Variants in AXDND1 observed in about 807,000 individuals in gnomAD.
AXDND1 encodes the protein axonemal dynein light chain domain-containing protein 1.
AXDND1 carries 110 observed loss-of-function variants against 137.5 expected under a neutral mutation model. The observed-to-expected ratio is 0.80, with a 90% CI of 0.69 to 0.94. The LOEUF (loss-of-function observed/expected upper bound fraction) is 0.94. Among genes scored for constraint, AXDND1 ranks in the 40% least tolerant of loss-of-function variants. AXDND1 has a pLI of 0.00. For missense variants in AXDND1, 1,191 were observed against 1,169.8 expected, an observed-to-expected ratio of 1.02 and a Z score of -0.26; for synonymous variants, 414 against 399.7, an observed-to-expected ratio of 1.04 and a Z score of -0.43.
chr1:179,383,308 G>A, intron 7 of AXDND1, 134 bp from the exon 8 acceptor site: 1 of 653,926 alleles, frequency 1.5e-6, no homozygotes, highest in Non-Finnish European at 2.6e-6. Context: ...AATAGACACA[G>A]GTCTAATGCT....
intron 21 of AXDND1, 84 bp downstream of exon 21, chr1:179,509,487 T>C: frequency 1.1e-6 from 1 of 883,866 alleles, no homozygotes; most frequent in Non-Finnish European, 1.8e-6. Flanking sequence ...TTCCAATCAA[T>C]GTTCTGAATC....
chr1:179,501,222 C>T (rs10798686), intron 20 of AXDND1, among the ~76,000 whole-genome samples: 24,109 of 151,978 alleles, frequency 0.16, 2,480 homozygotes, highest in African/African-American at 0.28. Context: ...ATAGCTAACA[C>T]ACTTTTGAAA....
chr1:179,534,776 G>A lies in AXDND1; in HGVS notation c.2845G>A (p.Ala949Thr), dbSNP rs140449162. The change falls in exon 25 of 26, where the codon GCA (alanine) becomes ACA (threonine). Residue 949 changes from alanine (A) to threonine (T), a missense_variant. By Grantham distance (58) the Ala-to-Thr change is moderately conservative. Coordinates refer to ENST00000367618, the MANE Select transcript of AXDND1 (RefSeq NM_144696.6). Reference sequence around the variant, plus strand: ...ACAGGCAGAGGAGAAGTTTGAAGATGCATATGAGAAACTTCATCATACCCT... The same window carrying A: ...ACAGGCAGAGGAGAAGTTTGAAGATACATATGAGAAACTTCATCATACCCT... Reference protein sequence around the residue: ...ARQAEEKFEDAYEKLHHTLIK... With the variant: ...ARQAEEKFEDTYEKLHHTLIK... 159 of 1,600,966 alleles carry A rather than the reference G, an allele frequency of 9.9e-5. No homozygotes were observed. The African/African-American group carries it at 1.8e-3, about 18-fold the overall frequency.
intron 18 of AXDND1, among the ~76,000 whole-genome samples, chr1:179,490,024 G>C (rs537917984): frequency 1.3e-5 from 2 of 152,144 alleles, no homozygotes; most frequent in African/African-American, 4.8e-5. Flanking sequence ...GATTACAGGC[G>C]TGAGCCACCG....
At chr1:179,429,665 G>A (rs1350655490) in intron 13 of AXDND1, 46 bp downstream of exon 13, 7 of 1,206,926 alleles carry the variant, frequency 5.8e-6, no homozygotes, top group Non-Finnish European at 6.9e-6. Flanking sequence ...GATGCCAAGT[G>A]GTGAGGGTTG....
intron 16 of AXDND1, chr1:179,449,067 G>T (rs1288241452): frequency 7.1e-6 from 3 of 424,244 alleles, no homozygotes; most frequent in South Asian, 1.7e-5. Context: ...TTTATTTTTT[G>T]TAGAGACAGG....
chr1:179,471,606 C>T (rs1415118865), intron 17 of AXDND1, among the ~76,000 whole-genome samples: 1 of 152,172 alleles, frequency 6.6e-6, no homozygotes, highest in Non-Finnish European at 1.5e-5. Context: ...TTCTCCTGGT[C>T]AACTTAGCTA....
intron 12 of AXDND1, among the ~76,000 whole-genome samples, chr1:179,425,835 CT>C (rs11300946): frequency 0.52 from 52,882 of 100,944 alleles, 12,091 homozygotes; most frequent in Non-Finnish European, 0.57. Context: ...TGTGGAAGCT[CT>C]TTTTTTTTTT....
intron 15 of AXDND1, among the ~76,000 whole-genome samples, chr1:179,442,071 A>G (rs1011906478): frequency 2.0e-5 from 3 of 152,196 alleles, no homozygotes; most frequent in African/African-American, 7.2e-5. Flanking sequence ...GCTGTGGATT[A>G]TTTGGATCAG....
At position 179,415,548 on chromosome 1, in the gene AXDND1, G is replaced by A. The variant is rs565821942; in HGVS notation, c.1230+4282G>A. 1.5e-3 allele frequency among the ~76,000 whole-genome samples: 225 copies of A among 152,160 alleles called. 1 individual carries two copies. The highest frequency in any genetic ancestry group is 2.5e-3 in the Non-Finnish European group (173 of 68,000). ...AAAGTGTACAATTATATGTTTTTTA[G>A]CATGGTCGCAGAACTGTGAAACCAT... On this transcript the variant is annotated intron_variant, in intron 12 of 25. Coordinates refer to ENST00000367618, the MANE Select transcript of AXDND1 (RefSeq NM_144696.6).
intron 18 of AXDND1, among the ~76,000 whole-genome samples, chr1:179,487,731 C>T (rs1365291987): frequency 1.3e-5 from 2 of 148,474 alleles, no homozygotes; most frequent in African/African-American, 5.1e-5. Context: ...CGTGATGGCT[C>T]ATGCCTGTAA....
rs1666874273 is a variant in AXDND1, at chr1:179,491,337, A to G, written c.2092-201A>G. Among the ~76,000 whole-genome samples, 2 of 152,156 alleles carry G rather than the reference A, an allele frequency of 1.3e-5. 1 individual carries two copies. Among genetic ancestry groups the G allele is most frequent in the South Asian group, 4.1e-4 (2 of 4,824 alleles). ...AAAAAAATTAAATAAATAGATATCA[A>G]TAAAAAGAAGAGAGTAGCTTAGTGT... On this transcript the variant is annotated intron_variant, in intron 18 of 25. Transcript: ENST00000367618.
At chr1:179,551,180 A>G (rs1558336219) in intron 25 of AXDND1, 1 of 1,613,900 alleles carries the variant, frequency 6.2e-7, no homozygotes, top group East Asian at 2.2e-5. Flanking sequence ...TTCCTATAAC[A>G]TGGGAGAGTC....
chr1:179,500,290 G>C (rs777912697), intron 20 of AXDND1, among the ~76,000 whole-genome samples: 3 of 148,058 alleles, frequency 2.0e-5, no homozygotes, highest in Non-Finnish European at 4.5e-5. Flanking sequence ...AAAAATTAAT[G>C]GCTATATATG....
chr1:179,539,286 G>A (rs12566954), intron 25 of AXDND1, among the ~76,000 whole-genome samples: 48,358 of 152,092 alleles, frequency 0.32, 8,344 homozygotes, highest in Middle Eastern at 0.43. Flanking sequence ...TCATAGTGTC[G>A]ATGGTCTTTC....
chr1:179,386,048 T>A (rs1228588234), intron 9 of AXDND1, among the ~76,000 whole-genome samples: 1 of 142,790 alleles, frequency 7.0e-6, no homozygotes, highest in African/African-American at 2.6e-5. Flanking sequence ...TAGGATTTTT[T>A]CCTTTTTTTT....
chr1:179,498,590 C>A (rs115583806), intron 20 of AXDND1, among the ~76,000 whole-genome samples: 1 of 151,964 alleles, frequency 6.6e-6, no homozygotes, highest in African/African-American at 2.4e-5. Context: ...CAAGTGGGTC[C>A]TAATTAAAGA....
intron 6 of AXDND1, 122 bp downstream of exon 6, chr1:179,379,604 G>A: frequency 8.0e-7 from 1 of 1,242,466 alleles, no homozygotes; most frequent in South Asian, 1.6e-5. Flanking sequence ...GACCAGCCTG[G>A]TCAACATGGT....
chr1:179,429,450 T>C, intron 12 of AXDND1, 68 bp from the exon 13 acceptor site: 1 of 748,440 alleles, frequency 1.3e-6, no homozygotes, highest in Non-Finnish European at 2.0e-6. Context: ...ATATATGAAA[T>C]CACTGTAATA....
Sources: allele counts gnomAD v4.1 joint callset (sites outside exome capture counted in the v4.1 genomes callset), GRCh38; gene constraint gnomAD v4.1.1; transcripts MANE v1.5; gene names NCBI Gene and HGNC (gene_info 2026-07-23, HGNC 2026-07-21).